DPP9: variants seen among roughly 807,000 people sequenced by gnomAD.
The protein encoded by DPP9 is dipeptidyl peptidase IV-related protein-2.
Under a neutral mutation model 110.7 loss-of-function variants are expected in DPP9, and 50 were observed. The observed-to-expected ratio is 0.45, with a 90% confidence interval of 0.36 to 0.57. The LOEUF is 0.57. Ranked by LOEUF, DPP9 falls within the 20% of genes least tolerant of loss-of-function variation. The pLI is 0.00. For missense variants in DPP9, 1,022 were observed against 1,217.9 expected (o/e 0.84, Z 2.39); for synonymous variants, 561 against 514.4 (o/e 1.09, Z -1.23).
At position 4,676,533 on chromosome 19, in the gene DPP9, G is replaced by C. The variant is rs771352980; in HGVS notation, c.*31C>G. 1.2e-5 allele frequency: 19 copies of C among 1,558,682 alleles called. No individual in the cohort carries two copies. Among genetic ancestry groups the C allele is most frequent in the Non-Finnish European group, 1.7e-5 (19 of 1,143,048 alleles). On this transcript the variant is annotated 3_prime_UTR_variant, in exon 22 of 22. Transcript: ENST00000262960. The surrounding 1 kb of genome is among the most constrained non-coding windows in gnomAD (Gnocchi z 4.0). ...CCCCGCGGAGGCTGCAGCCACTTGT[G>C]CTGTGATGTGGCGGCTCCCGGTGGG...
At chr19:4,702,277 C>A in intron 8 of DPP9, 122 bp from the exon 9 acceptor site, 1 of 1,337,516 alleles carries the variant, frequency 7.5e-7, no homozygotes, top group Non-Finnish European at 1.0e-6. Context: ...GAAACCAGAA[C>A]CCCGGCTCTG....
chr19:4,718,367 C>T lies in DPP9; in HGVS notation c.56+1484G>A, dbSNP rs567859650. Among the ~76,000 whole-genome samples, 2 of 152,294 alleles carry T rather than the reference C, an allele frequency of 1.3e-5. No homozygotes were observed. Among genetic ancestry groups the T allele is most frequent in the South Asian group, 4.1e-4 (2 of 4,828 alleles). ...TGCAGTTCTGAGTTCAGGCCGACCA[C>T]AAGGTGATAAGGCAGAAAGAAAGGT... On this transcript the variant is annotated intron_variant, in intron 3 of 21. Coordinates refer to ENST00000262960, the MANE Select transcript of DPP9 (RefSeq NM_139159.5). This position sits in a 1 kb window ranked among gnomAD's most constrained non-coding sequence, Gnocchi z 4.3.
At position 4,689,088 on chromosome 19, in the gene DPP9, A is replaced by G. The variant is rs988392333; in HGVS notation, c.1750-196T>C. ...ATCGCCCCATTCTGCAGAGCAGGAA[A>G]CTGAGGCCAGGACGAGTCTGTCCCC... On this transcript the variant is annotated intron_variant, in intron 15 of 21. Transcript: ENST00000262960. This position sits in a 1 kb window ranked among gnomAD's most constrained non-coding sequence, Gnocchi z 7.0. 1.1e-4 allele frequency among the ~76,000 whole-genome samples: 16 copies of G among 151,854 alleles called. No individual in the cohort carries two copies. The highest frequency in any genetic ancestry group is 3.6e-4 in the African/African-American group (15 of 41,348).
At position 4,703,917 on chromosome 19, in the gene DPP9, G is replaced by A. The variant is rs368915583; in HGVS notation, c.738C>T (p.Gly246=). ...SDLWVANIET[G]EERRLTFCHQ... is the part of the protein sequence containing the mutation. ...GGCAGAAGGTCAGCCGCCGCTCCTC[G>A]CCTGTCTCGATGTTGGCCACCCACA... The change falls in exon 7 of 22, where the codon GGC becomes GGT. Residue 246 remains glycine (G), a synonymous_variant. Coordinates refer to ENST00000262960, the MANE Select transcript of DPP9 (RefSeq NM_139159.5). 8 of 1,611,264 alleles carry A rather than the reference G, an allele frequency of 5.0e-6. No homozygotes were observed. The highest frequency in any genetic ancestry group is 1.3e-5 in the African/African-American group (1 of 74,882).
rs1304676773 is a variant in DPP9, at chr19:4,693,868, C to T, written c.1516+793G>A. Among the ~76,000 whole-genome samples, 1 of 152,066 alleles carries T rather than the reference C, an allele frequency of 6.6e-6. No individual in the cohort carries two copies. The highest frequency in any genetic ancestry group is 2.4e-5 in the African/African-American group (1 of 41,424). On this transcript the variant is annotated intron_variant, in intron 13 of 21. Coordinates refer to ENST00000262960, the MANE Select transcript of DPP9 (RefSeq NM_139159.5). The surrounding 1 kb of genome is among the most constrained non-coding windows in gnomAD (Gnocchi z 5.0). ...CCCTGTGCTCCAGCCACAGGGGCCT[C>T]CTCCCTATTCCTCCAACATGCCAGG... is the stretch of plus-strand genomic sequence containing the variant.
chr19:4,723,790 GC>G lies in DPP9; in HGVS notation c.-206del, dbSNP rs2093426902. On this transcript the variant is annotated 5_prime_UTR_variant, in exon 1 of 22. Coordinates refer to ENST00000262960, the MANE Select transcript of DPP9 (RefSeq NM_139159.5). ...GAAGTGGCGGGAGCGGGGGACGACA[GC>G]CGCGGCGGACACAGGGGACCCGCCG... The G allele has an allele frequency of 6.5e-6, 1 of 154,336 alleles. No individual in the cohort carries two copies. The highest frequency in any genetic ancestry group is 1.5e-5 in the Non-Finnish European group (1 of 68,260). 9.6% of individuals were successfully genotyped at this position (154,336 alleles called of 1,614,324 possible). A position where few individuals can be genotyped will look rare whatever the true frequency, so the allele number is the denominator to read the frequency against.
At chr19:4,711,246 CA>C (rs1349322069) in intron 4 of DPP9, among the ~76,000 whole-genome samples, 1 of 152,108 alleles carries the variant, frequency 6.6e-6, no homozygotes, top group Non-Finnish European at 1.5e-5. Flanking sequence ...ACCTTTACTC[CA>C]GGAGTACTTC....
chr19:4,702,109 A>G lies in DPP9; in HGVS notation c.930T>C (p.Asp310=), dbSNP rs2092296981. 2 of 1,613,788 alleles carry G rather than the reference A, an allele frequency of 1.2e-6. No individual in the cohort carries two copies. The highest frequency in any genetic ancestry group is 1.7e-6 in the Non-Finnish European group (2 of 1,179,818). ...CGTGAATGACCTCCACCTCGGACTC[A>G]TCGACTTCCTCATACAGGATTCGCA... The part of the protein sequence containing the change: ...KTLRILYEEV[D]ESEVEVIHVP... Residue 310 remains aspartate, a synonymous_variant, in exon 9 of 22, where the codon GAT becomes GAC. Transcript: ENST00000262960.
In DPP9 at chr19:4,682,936, A is replaced by T; in HGVS notation, c.2332-98T>A. The T allele has an allele frequency of 6.5e-7, 1 of 1,535,726 alleles. No individual in the cohort carries two copies. Among genetic ancestry groups the T allele is most frequent in the Non-Finnish European group, 8.7e-7 (1 of 1,146,254 alleles). On this transcript the variant is annotated intron_variant, in intron 19 of 21. Coordinates refer to ENST00000262960, the MANE Select transcript of DPP9 (RefSeq NM_139159.5). This position sits in a 1 kb window ranked among gnomAD's most constrained non-coding sequence, Gnocchi z 7.1. ...AGCCGCTGTCCCGGGGCCGCCCTGGAGCCCGTGAGGAGCGCTCATGCACAT... is the reference window on the plus strand; with the variant it reads ...AGCCGCTGTCCCGGGGCCGCCCTGGTGCCCGTGAGGAGCGCTCATGCACAT...
chr19:4,680,694 C>T (rs1395104045), intron 20 of DPP9, among the ~76,000 whole-genome samples: 1 of 149,486 alleles, frequency 6.7e-6, no homozygotes, highest in African/African-American at 2.5e-5. Context: ...TGGTGGCTTA[C>T]ACCTGTAATC....
rs879407878 is a variant in DPP9 at position 4,689,049 on chromosome 19, G to C, written c.1750-157C>G. On this transcript the variant is annotated intron_variant, in intron 15 of 21. Transcript: ENST00000262960. This position sits in a 1 kb window ranked among gnomAD's most constrained non-coding sequence, Gnocchi z 7.0. ...CAAAGCTCCACCCGCTGCTGCAAGG[G>C]GGGCACCACTGCCATCGCCCCATTC... Among the ~76,000 whole-genome samples the C allele has an allele frequency of 6.7e-6, 1 of 150,218 alleles. No homozygotes were observed. Among genetic ancestry groups the C allele is most frequent in the Non-Finnish European group, 1.5e-5 (1 of 67,548 alleles).
rs1470706943 is a variant in DPP9 at position 4,708,540 on chromosome 19, A to G, written c.314-2570T>C. The stretch of plus-strand genomic sequence containing the variant: ...CAGCAAAGACATGGAATCAGCCTAA[A>G]TCCATCAACGGTAGACTGGATAAAG... On this transcript the variant is annotated intron_variant, in intron 4 of 21. Coordinates refer to ENST00000262960, the MANE Select transcript of DPP9 (RefSeq NM_139159.5). Among the ~76,000 whole-genome samples the G allele has an allele frequency of 2.0e-5, 3 of 152,194 alleles. 1 individual carries two copies. Among genetic ancestry groups the G allele is most frequent in the African/African-American group, 7.2e-5 (3 of 41,444 alleles).
rs776542281 is a variant in DPP9 at position 4,685,959 on chromosome 19, G to C, written c.1886-188C>G. ...AAATAAGATTTGTACAGTTTTTGTAGAGATGGGGTCTTGTCTCCCTGTTGC... is the reference window on the plus strand; with the variant it reads ...AAATAAGATTTGTACAGTTTTTGTACAGATGGGGTCTTGTCTCCCTGTTGC... On this transcript the variant is annotated intron_variant, in intron 16 of 21. Transcript: ENST00000262960. The surrounding 1 kb of genome is among the most constrained non-coding windows in gnomAD (Gnocchi z 5.8). The C allele has an allele frequency of 1.1e-5, 7 of 619,760 alleles. No individual in the cohort carries two copies. Among genetic ancestry groups the C allele is most frequent in the Non-Finnish European group, 1.9e-5 (7 of 372,712 alleles). 38.4% of individuals were successfully genotyped at this position (619,760 alleles called of 1,614,324 possible).
At chr19:4,716,487 A>T (rs1292664948) in intron 3 of DPP9, among the ~76,000 whole-genome samples, 1 of 152,042 alleles carries the variant, frequency 6.6e-6, no homozygotes, top group Admixed American at 6.6e-5. Context: ...AATACAAAAA[A>T]TTAGCCGGGC....
Position 4,702,101 on chromosome 19 carries a change from T to C in DPP9, c.938A>G (p.Glu313Gly), listed in dbSNP as rs1424383422. Residue 313 changes from glutamate to glycine, a missense_variant, in exon 9 of 22, where the codon GAG (glutamate) becomes GGG (glycine). Transcript: ENST00000262960. The stretch of plus-strand genomic sequence containing the variant: ...AGAGGGGACGTGAATGACCTCCACC[T>C]CGGACTCATCGACTTCCTCATACAG... ...RILYEEVDESEVEVIHVPSPA... is the reference protein window; with the variant it reads ...RILYEEVDESGVEVIHVPSPA... 16 of 1,613,804 alleles carry C rather than the reference T, an allele frequency of 9.9e-6. No homozygotes were observed. The highest frequency in any genetic ancestry group is 1.4e-5 in the Non-Finnish European group (16 of 1,179,834).
rs1325434034 is a variant in DPP9, at chr19:4,710,613, TG to T, written c.313+3467del. On this transcript the variant is annotated intron_variant, in intron 4 of 21. Coordinates refer to ENST00000262960, the MANE Select transcript of DPP9 (RefSeq NM_139159.5). The surrounding 1 kb of genome is among the most constrained non-coding windows in gnomAD (Gnocchi z 5.6). ...AGCTCCACATGCCCCACAGCAAACC[TG>T]GTGCCTGCTGAGGGGACAGGTCCCA... Among the ~76,000 whole-genome samples, 2 of 152,200 alleles carry T rather than the reference TG, an allele frequency of 1.3e-5. No individual in the cohort carries two copies. Among genetic ancestry groups the T allele is most frequent in the Non-Finnish European group, 2.9e-5 (2 of 68,024 alleles).
At chr19:4,707,122 G>A (rs1344321948) in intron 4 of DPP9, among the ~76,000 whole-genome samples, 1 of 152,200 alleles carries the variant, frequency 6.6e-6, no homozygotes, top group Non-Finnish European at 1.5e-5. Context: ...GTTTTGGGTG[G>A]ATTACATGAG....
At position 4,685,690 on chromosome 19, in the gene DPP9, T is replaced by C. The variant is rs2145433107; in HGVS notation, c.1967A>G (p.Lys656Arg). Reference sequence around the variant, plus strand: ...CTTCCCTGGCTGCAAGGCGTGGGGCTTGTAGATCATGCCGTAGAGCCGCAC... The same window carrying C: ...CTTCCCTGGCTGCAAGGCGTGGGGCCTGTAGATCATGCCGTAGAGCCGCAC... ...SDVRLYGMIY[K>R]PHALQPGKKH... The change falls in exon 17 of 22, where the codon AAG (lysine) becomes AGG (arginine). Residue 656 changes from lysine (K) to arginine (R), a missense_variant. Physicochemically the swap from Lys to Arg is conservative, Grantham distance 26 (BLOSUM62 2). Transcript: ENST00000262960. The surrounding 1 kb of genome is among the most constrained non-coding windows in gnomAD (Gnocchi z 5.8). 6.2e-7 allele frequency: 1 copy of C among 1,613,438 alleles called. No homozygotes were observed. The highest frequency in any genetic ancestry group is 8.5e-7 in the Non-Finnish European group (1 of 1,179,794).
intron 4 of DPP9, among the ~76,000 whole-genome samples, chr19:4,713,291 T>A (rs2092918724): frequency 1.3e-5 from 2 of 152,284 alleles, no homozygotes; most frequent in East Asian, 3.9e-4. Flanking sequence ...TCCTCCCAGC[T>A]CTTAAGGCCT....
Sources: allele counts gnomAD v4.1 joint callset (sites outside exome capture counted in the v4.1 genomes callset), GRCh38; gene constraint gnomAD v4.1.1; non-coding constraint Gnocchi (gnomAD v3.1); transcripts MANE v1.5; gene names NCBI Gene and HGNC (gene_info 2026-07-23, HGNC 2026-07-21).